Variants in AMMECR1 observed in about 807,000 individuals in gnomAD.
AMMECR1 encodes the protein AMMECR nuclear protein 1.
Under a neutral mutation model 22.5 loss-of-function variants are expected in AMMECR1, and 3 were observed. The ratio of observed to expected loss-of-function variants is 0.13; its 90% CI spans 0.06 to 0.35. AMMECR1 has a LOEUF of 0.35. Ranked by LOEUF, AMMECR1 falls within the 10% of genes least tolerant of loss-of-function variation. The probability of loss-of-function intolerance (pLI) is 1.00; values close to 1 mark genes in which losing one functional copy is unlikely to be tolerated. For missense variants in AMMECR1, 235 were observed against 278.7 expected (o/e 0.84, Z 1.12); for synonymous variants, 130 against 116.7 (o/e 1.11, Z -0.74).
chrX:110,409,451 G>A (rs2068626207), intron 2 of AMMECR1, among the ~76,000 whole-genome samples: 2 of 111,668 alleles, frequency 1.8e-5, no homozygotes, highest in Non-Finnish European at 3.8e-5. Flanking sequence ...TACCTAAAAA[G>A]AGGGCTGTTT....
At chrX:110,251,798 A>C (rs1294776473) in intron 2 of AMMECR1, among the ~76,000 whole-genome samples, 1 of 112,197 alleles carries the variant, frequency 8.9e-6, no homozygotes. Flanking sequence ...AAAGAATTAC[A>C]TAAACAGAAA....
intron 2 of AMMECR1, among the ~76,000 whole-genome samples, chrX:110,418,886 G>A (rs141495609): frequency 0.038 from 4,268 of 110,908 alleles, 219 homozygotes; most frequent in African/African-American, 0.14. Flanking sequence ...AGCTTCAGCC[G>A]CGGCCTGAGC....
chrX:110,267,314 C>A (rs1014646957), intron 1 of AMMECR1, among the ~76,000 whole-genome samples: 1 of 110,542 alleles, frequency 9.0e-6, no homozygotes, highest in African/African-American at 3.3e-5. Context: ...AATGTAAAAG[C>A]GTTCCTATTT....
At chrX:110,394,752 A>G (rs939797903) in intron 2 of AMMECR1, among the ~76,000 whole-genome samples, 2 of 112,463 alleles carry the variant, frequency 1.8e-5, no homozygotes, top group Admixed American at 1.9e-4. Flanking sequence ...TGGATGACTC[A>G]CTTAACCTCT....
At chrX:110,382,395 G>A (rs2068426503) in intron 2 of AMMECR1, among the ~76,000 whole-genome samples, 1 of 111,212 alleles carries the variant, frequency 9.0e-6, no homozygotes, top group Admixed American at 9.5e-5. Flanking sequence ...GGATCTGGGA[G>A]ACATGGATGA....
At chrX:110,307,409 G>C (rs781506646) in intron 1 of AMMECR1, among the ~76,000 whole-genome samples, 64 of 111,617 alleles carry the variant, frequency 5.7e-4, no homozygotes, top group African/African-American at 1.8e-3. Flanking sequence ...AAAAGAGATA[G>C]GTATGTACCT....
chrX:110,201,124 T>A, intron 4 of AMMECR1, 74 bp from the exon 5 acceptor site: 1 of 649,516 alleles, frequency 1.5e-6, no homozygotes, highest in Non-Finnish European at 2.3e-6. Flanking sequence ...ACAAAATGAC[T>A]TTGTAGAGGT....
intron 3 of AMMECR1, among the ~76,000 whole-genome samples, chrX:110,205,072 C>A: frequency 8.9e-6 from 1 of 111,809 alleles, no homozygotes; most frequent in East Asian, 2.8e-4. Context: ...AAAGCCCAAA[C>A]CAGAGTGACT....
At chrX:110,360,998 A>G (rs1354680839) in intron 2 of AMMECR1, among the ~76,000 whole-genome samples, 1 of 111,167 alleles carries the variant, frequency 9.0e-6, no homozygotes, top group African/African-American at 3.3e-5. Context: ...TTTGCTGATG[A>G]GTCACAAATT....
intron 1 of AMMECR1, among the ~76,000 whole-genome samples, chrX:110,274,842 AT>A (rs2067817790): frequency 1.8e-5 from 2 of 111,586 alleles, no homozygotes; most frequent in Admixed American, 1.9e-4. Context: ...TTAGTATTTA[AT>A]TTTATCACCA....
At chrX:110,322,639 A>C (rs898698476), upstream of AMMECR1, among the ~76,000 whole-genome samples, 1 of 111,886 alleles carries the variant, frequency 8.9e-6, no homozygotes, top group Non-Finnish European at 1.9e-5. Flanking sequence ...TTCTGAATTA[A>C]GTCTCTTTTG....
chrX:110,429,652 T>C (rs150247937), intron 1 of AMMECR1, among the ~76,000 whole-genome samples: 3 of 109,658 alleles, frequency 2.7e-5, no homozygotes, highest in African/African-American at 1.0e-4. Flanking sequence ...CCTGCTAATT[T>C]TGTATTTTTA....
intron 2 of AMMECR1, among the ~76,000 whole-genome samples, chrX:110,347,265 G>T (rs2068194274): frequency 8.8e-6 from 1 of 113,254 alleles, no homozygotes; most frequent in Admixed American, 9.3e-5. Context: ...CCCTGCTATT[G>T]TTAGCTTGCT....
chrX:110,222,104 C>T, intron 2 of AMMECR1, among the ~76,000 whole-genome samples: 1 of 105,397 alleles, frequency 9.5e-6, no homozygotes. Context: ...GGGTATATAC[C>T]CAAAGGACTA....
At chrX:110,333,906 C>T (rs970303651) in intron 2 of AMMECR1, among the ~76,000 whole-genome samples, 3 of 110,313 alleles carry the variant, frequency 2.7e-5, no homozygotes, top group African/African-American at 9.9e-5. Context: ...AGCAAACCAC[C>T]ATGGCACGTG....
At chrX:110,269,977 T>C (rs192290652) in intron 1 of AMMECR1, among the ~76,000 whole-genome samples, 11 of 111,785 alleles carry the variant, frequency 9.8e-5, no homozygotes, top group Admixed American at 2.8e-4. Flanking sequence ...GTTCAGTTCC[T>C]GGTAAAGGCT....
At chrX:110,351,541 C>A (rs1042363731) in intron 2 of AMMECR1, among the ~76,000 whole-genome samples, 2 of 111,445 alleles carry the variant, frequency 1.8e-5, no homozygotes, top group African/African-American at 6.5e-5. Flanking sequence ...TCTTCACATG[C>A]AAAAGAATGA....
intron 5 of AMMECR1, among the ~76,000 whole-genome samples, chrX:110,199,485 A>G: frequency 9.0e-6 from 1 of 110,765 alleles, no homozygotes; most frequent in African/African-American, 3.3e-5. Context: ...ATACATTTTC[A>G]TTGACCTACT....
intron 2 of AMMECR1, among the ~76,000 whole-genome samples, chrX:110,354,471 C>T (rs76275872): frequency 0.063 from 6,999 of 111,688 alleles, 537 homozygotes; most frequent in African/African-American, 0.21. Flanking sequence ...AAAGTAGGCA[C>T]GAGGATGTGC....
Sources: gnomAD v4.1 joint callset for allele counts (sites outside exome capture counted in the v4.1 genomes callset) on GRCh38, gnomAD v4.1.1 for gene constraint, MANE v1.5 for transcripts, NCBI Gene and HGNC (gene_info 2026-07-23, HGNC 2026-07-21) for gene names.